Variants in JCAD observed in about 807,000 individuals in gnomAD.
JCAD encodes the protein junctional cadherin 5 associated, also known as junctional cadherin 5-associated protein.
Under a neutral mutation model 98.0 loss-of-function variants are expected in JCAD, and 40 were observed. That is an observed-to-expected ratio of 0.41 (90% CI 0.32 to 0.53). The LOEUF is 0.53. Ranked by LOEUF, JCAD falls within the 20% of genes least tolerant of loss-of-function variation. The pLI is 0.31. For missense variants in JCAD, 1,705 were observed against 1,738.1 expected, an observed-to-expected ratio of 0.98 and a Z score of 0.34; for synonymous variants, 691 against 682.3, an observed-to-expected ratio of 1.01 and a Z score of -0.20.
intron 1 of JCAD, among the ~76,000 whole-genome samples, chr10:30,074,695 GC>G (rs1837952084): frequency 6.6e-6 from 1 of 152,220 alleles, no homozygotes; most frequent in African/African-American, 2.4e-5. Context: ...AGACCATGAG[GC>G]CTGTGTTTCC....
At chr10:30,050,612 T>A (rs1837449133) in intron 1 of JCAD, among the ~76,000 whole-genome samples, 1 of 152,222 alleles carries the variant, frequency 6.6e-6, no homozygotes, top group African/African-American at 2.4e-5. Context: ...TTTGTCAGAA[T>A]GGCAGAGAAG....
chr10:30,057,492 C>G (rs981961003), intron 1 of JCAD, among the ~76,000 whole-genome samples: 1 of 152,114 alleles, frequency 6.6e-6, no homozygotes, highest in East Asian at 1.9e-4. Context: ...TGTGACCACT[C>G]GATGAGCTAT....
chr10:30,056,499 T>A (rs910443444), intron 1 of JCAD, among the ~76,000 whole-genome samples: 19 of 151,748 alleles, frequency 1.3e-4, no homozygotes, highest in Non-Finnish European at 2.1e-4. Context: ...CTATTCTTCC[T>A]ACACAGACAA....
chr10:30,095,233 G>T (rs1387287615), intron 1 of JCAD, among the ~76,000 whole-genome samples: 4 of 152,172 alleles, frequency 2.6e-5, no homozygotes, highest in African/African-American at 7.2e-5. Context: ...ACAAGTTCAT[G>T]GCTCTCGTCT....
intron 3 of JCAD, among the ~76,000 whole-genome samples, chr10:30,024,139 T>C (rs1295778639): frequency 2.6e-5 from 4 of 152,324 alleles, no homozygotes; most frequent in Non-Finnish European, 5.9e-5. Flanking sequence ...CACTCCAGCC[T>C]GGGCCACAGA....
At chr10:30,092,622 C>T (rs907027221) in intron 1 of JCAD, among the ~76,000 whole-genome samples, 2 of 152,192 alleles carry the variant, frequency 1.3e-5, no homozygotes, top group African/African-American at 2.4e-5. Context: ...CACAAAGAAG[C>T]TTTCTCCTTC....
At chr10:30,063,813 C>CTT (rs939220726), upstream of JCAD, among the ~76,000 whole-genome samples, 30 of 146,410 alleles carry the variant, frequency 2.0e-4, no homozygotes, top group African/African-American at 7.5e-4. Flanking sequence ...GAGATGGGAT[C>CTT]TTTTTTTTTT....
chr10:30,065,595 G>A (rs1837770679), intron 2 of JCAD, among the ~76,000 whole-genome samples: 1 of 151,876 alleles, frequency 6.6e-6, no homozygotes, highest in African/African-American at 2.4e-5. Flanking sequence ...TTGACCTCCT[G>A]GGCTCAAGCC....
chr10:30,069,199 T>C (rs1837837548), intron 2 of JCAD, among the ~76,000 whole-genome samples: 1 of 152,124 alleles, frequency 6.6e-6, no homozygotes, highest in South Asian at 2.1e-4. Context: ...GTGGAAATGG[T>C]CGCTTCGGCT....
At chr10:30,082,655 C>A (rs1165311322) in intron 1 of JCAD, among the ~76,000 whole-genome samples, 1 of 151,720 alleles carries the variant, frequency 6.6e-6, no homozygotes, top group East Asian at 1.9e-4. Context: ...AGTTTGAGAC[C>A]AGCCTGACCA....
At chr10:30,072,633 AGG>A in intron 1 of JCAD, among the ~76,000 whole-genome samples, 1 of 150,916 alleles carries the variant, frequency 6.6e-6, no homozygotes, top group African/African-American at 2.4e-5. Flanking sequence ...AGCTAGAGGT[AGG>A]GCCCAGAAAT....
chr10:30,061,439 T>G (rs1471469125), upstream of JCAD, among the ~76,000 whole-genome samples: 1 of 151,254 alleles, frequency 6.6e-6, no homozygotes, highest in African/African-American at 2.4e-5. Context: ...GTACTCGGGA[T>G]GCTGAGGCAG....
intron 2 of JCAD, among the ~76,000 whole-genome samples, chr10:30,066,179 T>C (rs1354781202): frequency 1.3e-5 from 2 of 152,218 alleles, no homozygotes; most frequent in Non-Finnish European, 2.9e-5. Context: ...TCAAGTGCAT[T>C]AGATGTTTAC....
rs947705495 is a variant in JCAD at position 30,028,597 on chromosome 10, T to A, written c.1551A>T (p.Arg517Ser). The change falls in exon 3 of 4, where the codon AGA becomes AGT. Residue 517 changes from arginine (R) to serine (S), a missense_variant. Arg to Ser is a moderately radical substitution (Grantham distance 110, BLOSUM62 -1). This residue lies in a region of JCAD where 1,278 missense variants were observed against 1,243.1 expected (regional missense o/e 1.03). Coordinates refer to ENST00000375377, the MANE Select transcript of JCAD (RefSeq NM_020848.4). ...DGENSGLPNQ[R>S]DRCVARGQWP... ...ACTGTCCCCTTGCCACACAGCGGTCTCTCTGGTTGGGGAGGCCACTGTTTT... is the reference window on the plus strand; with the variant it reads ...ACTGTCCCCTTGCCACACAGCGGTCACTCTGGTTGGGGAGGCCACTGTTTT... 2.5e-6 allele frequency: 4 copies of A among 1,613,456 alleles called. No individual in the cohort carries two copies. The highest frequency in any genetic ancestry group is 3.4e-6 in the Non-Finnish European group (4 of 1,179,696).
chr10:30,063,810 G>A (rs138991349), upstream of JCAD, among the ~76,000 whole-genome samples: 8 of 151,282 alleles, frequency 5.3e-5, no homozygotes, highest in African/African-American at 2.0e-4. Flanking sequence ...TGAGAGATGG[G>A]ATCTTTTTTT....
rs1837383084 is a variant in JCAD at position 30,047,770 on chromosome 10, G to C, written c.43C>G (p.Leu15Val). 8.7e-6 allele frequency: 14 copies of C among 1,614,112 alleles called. No individual in the cohort carries two copies. The highest frequency in any genetic ancestry group is 1.2e-5 in the Non-Finnish European group (14 of 1,179,990). ...CGTGATGCTGGGGGGTCTCTTGACA[G>C]CTTGTATCCATGAGAGATCAGGAGG... ...EDLLISHGYK[L>V]SRDPPASRED... The change falls in exon 2 of 4, where the codon CTG (leucine) becomes GTG (valine). Residue 15 changes from leucine to valine, a missense_variant. This residue lies in a region of JCAD where 152 missense variants were observed against 148.0 expected (regional missense o/e 1.03). Transcript: ENST00000375377.
chr10:30,060,150 A>T (rs968994305), upstream of JCAD, among the ~76,000 whole-genome samples: 3 of 152,044 alleles, frequency 2.0e-5, no homozygotes, highest in Non-Finnish European at 2.9e-5. Flanking sequence ...CCCACATAAC[A>T]CATCGATATT....
chr10:30,114,828 T>C (rs1838764312), intron 1 of JCAD, among the ~76,000 whole-genome samples: 1 of 51,142 alleles, frequency 2.0e-5, no homozygotes, highest in South Asian at 5.1e-4. Context: ...TAAAGCCGAA[T>C]AGATAGATAG....
chr10:30,046,214 G>A (rs1196935980), intron 2 of JCAD, among the ~76,000 whole-genome samples: 1 of 152,160 alleles, frequency 6.6e-6, no homozygotes, highest in African/African-American at 2.4e-5. Context: ...ACAGTGTTAG[G>A]AAGGGATGAC....
Sources: allele counts gnomAD v4.1 joint callset (sites outside exome capture counted in the v4.1 genomes callset), GRCh38; gene constraint gnomAD v4.1.1; regional missense constraint gnomAD v4.1.1; transcripts MANE v1.5; gene names NCBI Gene and HGNC (gene_info 2026-07-23, HGNC 2026-07-21).